The following PCDH9 variants were observed in gnomAD, a reference collection of about 807,000 sequenced individuals.
PCDH9 encodes the protein protocadherin-9.
Under a neutral mutation model 70.6 loss-of-function variants are expected in PCDH9, and 24 were observed. The observed-to-expected ratio is 0.34, with a 90% CI of 0.25 to 0.48. The LOEUF is 0.48. Among genes scored for constraint, PCDH9 ranks in the 20% least tolerant of loss-of-function variants. The pLI is 0.99. For missense variants in PCDH9, 1,281 were observed against 1,503.6 expected (o/e 0.85, Z 2.45); for synonymous variants, 562 against 558.5 (o/e 1.01, Z -0.09).
intron 4 of PCDH9, among the ~76,000 whole-genome samples, chr13:66,622,818 G>T (rs181859027): frequency 1.2e-4 from 18 of 152,090 alleles, no homozygotes. Flanking sequence ...CTGTGGAAGC[G>T]TTGTGCTTTC....
At chr13:66,818,166 A>G (rs1886314) in intron 3 of PCDH9, among the ~76,000 whole-genome samples, 147,786 of 152,254 alleles carry the variant, frequency 0.97, 71,874 homozygotes, top group East Asian at 1. Flanking sequence ...TCAGCATATT[A>G]ATTAAATTTA....
intron 4 of PCDH9, among the ~76,000 whole-genome samples, chr13:66,333,375 A>AC (rs1955976532): frequency 6.6e-6 from 1 of 152,122 alleles, no homozygotes; most frequent in African/African-American, 2.4e-5. Context: ...TGGACTAGGC[A>AC]CCCTGTATGA....
At chr13:67,117,906 G>A (rs2086808133) in intron 2 of PCDH9, among the ~76,000 whole-genome samples, 1 of 152,122 alleles carries the variant, frequency 6.6e-6, no homozygotes, top group East Asian at 1.9e-4. Context: ...GGACGTGTTA[G>A]AATAATTTCC....
intron 2 of PCDH9, among the ~76,000 whole-genome samples, chr13:67,096,387 A>G (rs2086320539): frequency 6.6e-6 from 1 of 152,164 alleles, no homozygotes; most frequent in Non-Finnish European, 1.5e-5. Context: ...TACTAAAACT[A>G]TTATTTTTAT....
chr13:67,208,648 A>G (rs1050323456), intron 2 of PCDH9: 6 of 152,292 alleles, frequency 3.9e-5, no homozygotes, highest in Middle Eastern at 3.4e-3. Flanking sequence ...TACTACTGTC[A>G]CTAGAAATAA....
chr13:67,143,172 T>C (rs2087439230), intron 2 of PCDH9, among the ~76,000 whole-genome samples: 1 of 152,190 alleles, frequency 6.6e-6, no homozygotes, highest in South Asian at 2.1e-4. Flanking sequence ...GATTGTTTCA[T>C]CAAATACATT....
chr13:66,580,654 C>A (rs935655987), intron 4 of PCDH9, among the ~76,000 whole-genome samples: 1 of 151,630 alleles, frequency 6.6e-6, no homozygotes, highest in African/African-American at 2.4e-5. Flanking sequence ...AAATACTTCC[C>A]ACCACCACCC....
rs1436570631 is a variant in PCDH9 at position 67,027,995 on chromosome 13, G to A, written c.3037-124390C>T. 2.7e-5 allele frequency among the ~76,000 whole-genome samples: 4 copies of A among 150,236 alleles called. No homozygotes were observed. The East Asian group carries it at 7.9e-4, about 30-fold the overall frequency. Reference sequence around the variant, plus strand: ...GGGACTGTAAACTAGTTCAACCATTGTGGAAGTCAGTGTGGCGATTCCTCA... The same window carrying A: ...GGGACTGTAAACTAGTTCAACCATTATGGAAGTCAGTGTGGCGATTCCTCA... On this transcript the variant is annotated intron_variant, in intron 2 of 4. Transcript: ENST00000377865.
In PCDH9 at chr13:66,736,020, A is replaced by C. The variant is rs1303890676; in HGVS notation, c.3139-104609T>G. Among the ~76,000 whole-genome samples, 5 of 152,244 alleles carry C rather than the reference A, an allele frequency of 3.3e-5. No individual in the cohort carries two copies. The East Asian group carries it at 9.6e-4, about 29-fold the overall frequency. ...TGATATATGTGAAAATATTCAGTTC[A>C]TATGCTGGAACACTGTACTTATTCA... On this transcript the variant is annotated intron_variant, in intron 3 of 4. Transcript: ENST00000377865.
intron 4 of PCDH9, among the ~76,000 whole-genome samples, chr13:66,607,269 A>G (rs1162632364): frequency 6.6e-6 from 1 of 152,220 alleles, no homozygotes; most frequent in East Asian, 1.9e-4. Flanking sequence ...TCATGTGAAA[A>G]TGATATGTAC....
intron 2 of PCDH9, among the ~76,000 whole-genome samples, chr13:67,056,831 A>G (rs2138113193): frequency 6.6e-6 from 1 of 152,242 alleles, no homozygotes; most frequent in East Asian, 1.9e-4. Context: ...CATCATCATC[A>G]TCTACCACAC....
chr13:66,716,556 C>G (rs1302922463), intron 3 of PCDH9, among the ~76,000 whole-genome samples: 1 of 152,108 alleles, frequency 6.6e-6, no homozygotes, highest in East Asian at 1.9e-4. Flanking sequence ...TAAGATTCTA[C>G]AACAGGCAGA....
intron 3 of PCDH9, among the ~76,000 whole-genome samples, chr13:66,661,484 T>G (rs1374409587): frequency 6.6e-6 from 1 of 152,192 alleles, no homozygotes; most frequent in African/African-American, 2.4e-5. Flanking sequence ...TTCAGGATCA[T>G]TTACTAATTA....
intron 2 of PCDH9, among the ~76,000 whole-genome samples, chr13:67,129,795 G>A (rs1385271276): frequency 6.6e-6 from 1 of 151,880 alleles, no homozygotes; most frequent in East Asian, 1.9e-4. Context: ...TACCAGGTCT[G>A]ATAAAATCAA....
At chr13:66,846,114 T>C (rs1163520306) in intron 3 of PCDH9, among the ~76,000 whole-genome samples, 2 of 93,112 alleles carry the variant, frequency 2.1e-5, no homozygotes, top group Non-Finnish European at 4.1e-5. Flanking sequence ...CACACATAGA[T>C]AATGCAGGGG....
chr13:66,691,564 G>C (rs533360023), intron 3 of PCDH9, among the ~76,000 whole-genome samples: 1 of 151,820 alleles, frequency 6.6e-6, no homozygotes. Flanking sequence ...AACTTTTAAT[G>C]TGATAAGCAA....
intron 2 of PCDH9, among the ~76,000 whole-genome samples, chr13:66,931,097 T>C (rs1015369069): frequency 5.9e-5 from 9 of 152,298 alleles, no homozygotes; most frequent in African/African-American, 1.9e-4. Flanking sequence ...AACTGTTTTG[T>C]TGACTGCAGC....
At chr13:66,775,909 C>T (rs2079884617) in intron 3 of PCDH9, among the ~76,000 whole-genome samples, 1 of 152,066 alleles carries the variant, frequency 6.6e-6, no homozygotes, top group African/African-American at 2.4e-5. Flanking sequence ...AGATCCAAGC[C>T]TTTCCCGAAC....
At chr13:66,444,583 C>T (rs1447315511) in intron 4 of PCDH9, among the ~76,000 whole-genome samples, 1 of 151,972 alleles carries the variant, frequency 6.6e-6, no homozygotes, top group Non-Finnish European at 1.5e-5. Flanking sequence ...GACAGAGTCT[C>T]ACTCTGTTGC....
Sources: gnomAD v4.1 joint callset for allele counts (sites outside exome capture counted in the v4.1 genomes callset) on GRCh38, gnomAD v4.1.1 for gene constraint, MANE v1.5 for transcripts, NCBI Gene and HGNC (gene_info 2026-07-23, HGNC 2026-07-21) for gene names.